The following C8orf34 variants were observed in gnomAD, a reference collection of about 807,000 sequenced individuals.
C8orf34 encodes chromosome 8 open reading frame 34.
C8orf34 carries 65 observed loss-of-function variants against 68.3 expected under a neutral mutation model. That is an observed-to-expected ratio of 0.95 (90% confidence interval 0.78 to 1.17). The LOEUF is 1.17. Among genes scored for constraint, C8orf34 ranks in the 50% most tolerant of loss-of-function variants. C8orf34 has a pLI of 0.00. For synonymous variants in C8orf34, 244 were observed against 241.2 expected (o/e 1.01, Z -0.11); for missense variants, 664 against 655.4 (o/e 1.01, Z -0.14).
At chr8:68,714,916 T>C (rs917756801) in intron 9 of C8orf34, among the ~76,000 whole-genome samples, 2 of 152,086 alleles carry the variant, frequency 1.3e-5, no homozygotes, top group Non-Finnish European at 2.9e-5. Flanking sequence ...AGTAGTATTA[T>C]AAAAATAGGC....
chr8:68,704,798 C>CAACATGAGTATACTTATGTCTT (rs1299296510), intron 8 of C8orf34, among the ~76,000 whole-genome samples: 5 of 151,764 alleles, frequency 3.3e-5, no homozygotes, highest in Non-Finnish European at 5.9e-5. Context: ...ATATTGAGAG[C>CAACATGAGTATACTTATGTCTT]AACATGAGTA....
chr8:68,797,791 A>T (rs1339712857), intron 12 of C8orf34, among the ~76,000 whole-genome samples: 2 of 152,242 alleles, frequency 1.3e-5, no homozygotes, highest in African/African-American at 4.8e-5. Flanking sequence ...ATTAGGTCAG[A>T]TAAGTGTCAG....
chr8:68,528,660 C>G (rs1419720495), intron 6 of C8orf34, among the ~76,000 whole-genome samples: 2 of 152,192 alleles, frequency 1.3e-5, no homozygotes, highest in Non-Finnish European at 2.9e-5. Context: ...CCACCAAACT[C>G]CAGGGGCACA....
chr8:68,471,812 A>G (rs1366453850), intron 4 of C8orf34, among the ~76,000 whole-genome samples: 1 of 152,000 alleles, frequency 6.6e-6, no homozygotes, highest in Non-Finnish European at 1.5e-5. Context: ...AAAATCCTAC[A>G]TGTTTTAGAA....
intron 7 of C8orf34, among the ~76,000 whole-genome samples, chr8:68,621,513 G>A (rs2130636714): frequency 6.6e-6 from 1 of 152,186 alleles, no homozygotes; most frequent in South Asian, 2.1e-4. Context: ...TAGCAAAACT[G>A]TAAACTCTAT....
At chr8:68,552,808 A>G (rs1816117495) in intron 7 of C8orf34, among the ~76,000 whole-genome samples, 2 of 151,232 alleles carry the variant, frequency 1.3e-5, no homozygotes, top group South Asian at 4.2e-4. Flanking sequence ...AAATTTTGGC[A>G]TCTACGAGAT....
intron 5 of C8orf34, among the ~76,000 whole-genome samples, chr8:68,496,461 C>T: frequency 6.6e-6 from 1 of 152,218 alleles, no homozygotes; most frequent in Non-Finnish European, 1.5e-5. Context: ...AACTCATTTA[C>T]TTAATTGCTA....
intron 8 of C8orf34, among the ~76,000 whole-genome samples, chr8:68,645,887 G>A (rs975740554): frequency 6.6e-6 from 1 of 152,010 alleles, no homozygotes; most frequent in African/African-American, 2.4e-5. Context: ...ACCCTAAATA[G>A]GGCGCTTTGG....
chr8:68,370,006 G>C (rs1807489648), intron 1 of C8orf34, among the ~76,000 whole-genome samples: 1 of 152,140 alleles, frequency 6.6e-6, no homozygotes, highest in South Asian at 2.1e-4. Context: ...AATCCAAAGA[G>C]GGCATGCTCC....
chr8:68,724,706 A>T (rs1221295149), intron 10 of C8orf34, among the ~76,000 whole-genome samples: 1 of 152,202 alleles, frequency 6.6e-6, no homozygotes, highest in Non-Finnish European at 1.5e-5. Flanking sequence ...GCCATTTAGT[A>T]AACCAACAAA....
chr8:68,721,291 G>T, intron 9 of C8orf34, 70 bp from the exon 10 acceptor site: 1 of 988,160 alleles, frequency 1.0e-6, no homozygotes, highest in Non-Finnish European at 1.5e-6. Flanking sequence ...TCTCACAACA[G>T]GTTTATATAT....
chr8:68,604,244 G>C (rs529067733), intron 7 of C8orf34, among the ~76,000 whole-genome samples: 80 of 151,440 alleles, frequency 5.3e-4, no homozygotes, highest in African/African-American at 1.9e-3. Context: ...AAGATCCAGG[G>C]GTGCTGGGAT....
At chr8:68,713,879 T>A (rs767301721) in intron 9 of C8orf34, among the ~76,000 whole-genome samples, 2 of 152,110 alleles carry the variant, frequency 1.3e-5, no homozygotes, top group African/African-American at 4.8e-5. Flanking sequence ...TGAACATACA[T>A]GCAAACATCC....
intron 5 of C8orf34, among the ~76,000 whole-genome samples, chr8:68,517,657 G>C (rs1338974375): frequency 3.3e-5 from 5 of 152,116 alleles, no homozygotes; most frequent in African/African-American, 9.7e-5. Context: ...AAGCAACCAG[G>C]GAGTTAGTTC....
chr8:68,369,926 G>A (rs1380258437), intron 1 of C8orf34, among the ~76,000 whole-genome samples: 1 of 152,178 alleles, frequency 6.6e-6, no homozygotes, highest in South Asian at 2.1e-4. Context: ...GTCTTCTCTT[G>A]CTTTGGACCC....
chr8:68,675,088 C>T (rs541721542), intron 8 of C8orf34, among the ~76,000 whole-genome samples: 34 of 152,132 alleles, frequency 2.2e-4, no homozygotes, highest in African/African-American at 8.2e-4. Flanking sequence ...GAAATAAGTA[C>T]TTTCATAGAC....
At chr8:68,484,729 C>T (rs1482571665) in intron 4 of C8orf34, among the ~76,000 whole-genome samples, 2 of 152,094 alleles carry the variant, frequency 1.3e-5, no homozygotes, top group Non-Finnish European at 2.9e-5. Flanking sequence ...AGCTTCATGC[C>T]TCTGTGAAGC....
chr8:68,560,163 G>A (rs1447049527), intron 7 of C8orf34, among the ~76,000 whole-genome samples: 1 of 149,196 alleles, frequency 6.7e-6, no homozygotes, highest in Non-Finnish European at 1.5e-5. Flanking sequence ...TTTTTTGAAT[G>A]AAACAGTGTC....
chr8:68,722,012 G>T (rs561497677), intron 10 of C8orf34, among the ~76,000 whole-genome samples: 2 of 151,994 alleles, frequency 1.3e-5, no homozygotes, highest in South Asian at 4.1e-4. Flanking sequence ...ATTTGGACTG[G>T]GTTTGTATGT....
Sources: allele counts gnomAD v4.1 joint callset (sites outside exome capture counted in the v4.1 genomes callset), GRCh38; gene constraint gnomAD v4.1.1; transcripts MANE v1.5; gene names NCBI Gene and HGNC (gene_info 2026-07-23, HGNC 2026-07-21).